Variants in ZC3H8 observed in about 807,000 individuals in gnomAD.
ZC3H8 encodes the protein zinc finger CCCH-type containing 8.
ZC3H8 carries 27 observed loss-of-function variants against 42.5 expected under a neutral mutation model. That is an observed-to-expected ratio of 0.64 (90% CI 0.47 to 0.88). The LOEUF (loss-of-function observed/expected upper bound fraction) is 0.88, where lower values mean the gene tolerates loss of function less well. ZC3H8 is among the 40% of genes least tolerant of loss of function. ZC3H8 has a pLI of 0.00. For synonymous variants in ZC3H8, 101 were observed against 110.1 expected (o/e 0.92, Z 0.52); for missense variants, 277 against 336.1 (o/e 0.82, Z 1.37).
rs1342575123 is a variant in ZC3H8 at position 112,211,821 on chromosome 2, G to C, written c.*4663C>G. On this transcript the variant is annotated 3_prime_UTR_variant, in exon 9 of 9. Coordinates refer to ENST00000409573, the MANE Select transcript of ZC3H8 (RefSeq NM_032494.3). ...TTATTTTTAAATAATGTAAATGAGT[G>C]TTACAAATTTCACAGGAATCAACAG... 1 of 152,044 alleles carries C rather than the reference G, an allele frequency of 6.6e-6. No individual in the cohort carries two copies. The highest frequency in any genetic ancestry group is 2.4e-5 in the African/African-American group (1 of 41,370). 9.4% of individuals were successfully genotyped at this position (152,044 alleles called of 1,614,324 possible).
At chr2:112,241,587 T>C (rs1168923188) in intron 2 of ZC3H8, among the ~76,000 whole-genome samples, 1 of 152,244 alleles carries the variant, frequency 6.6e-6, no homozygotes, top group East Asian at 1.9e-4. Flanking sequence ...AGGAAGTATG[T>C]TCAAATATGT....
Position 112,212,952 on chromosome 2 carries a change from C to G in ZC3H8, c.*3532G>C, listed in dbSNP as rs1253288092. The G allele has an allele frequency of 1.5e-5, 2 of 132,058 alleles. No individual in the cohort carries two copies. Among genetic ancestry groups the G allele is most frequent in the Non-Finnish European group, 3.4e-5 (2 of 59,012 alleles). 8.2% of individuals were successfully genotyped at this position (132,058 alleles called of 1,614,324 possible). A position where few individuals can be genotyped will look rare whatever the true frequency, so the allele number is the denominator to read the frequency against. The stretch of plus-strand genomic sequence containing the variant: ...AGTATTTTGAGTTCAGCAAGCACAA[C>G]TCAGAAGAAATGCTTTTTTTTTTTT... On this transcript the variant is annotated 3_prime_UTR_variant, in exon 9 of 9. Coordinates refer to ENST00000409573, the MANE Select transcript of ZC3H8 (RefSeq NM_032494.3).
intron 2 of ZC3H8, among the ~76,000 whole-genome samples, chr2:112,247,565 TGA>T (rs1239579209): frequency 6.6e-6 from 1 of 152,092 alleles, no homozygotes; most frequent in African/African-American, 2.4e-5. Context: ...TGCAACAGAG[TGA>T]GACTCTGTCT....
intron 8 of ZC3H8, among the ~76,000 whole-genome samples, chr2:112,228,975 G>A (rs1332306012): frequency 6.6e-6 from 1 of 152,134 alleles, no homozygotes; most frequent in Non-Finnish European, 1.5e-5. Flanking sequence ...TTTGAGAAAT[G>A]AAAATTACAA....
At chr2:112,235,010 C>T (rs569036821) in intron 4 of ZC3H8, among the ~76,000 whole-genome samples, 3 of 151,544 alleles carry the variant, frequency 2.0e-5, no homozygotes, top group East Asian at 1.9e-4. Flanking sequence ...AGAAATACAC[C>T]GTCAAAGATG....
rs6747708 is a variant in ZC3H8 at position 112,238,306 on chromosome 2, G to T, written c.370+9C>A. On this transcript the variant is annotated intron_variant, in intron 3 of 8. Coordinates refer to ENST00000409573, the MANE Select transcript of ZC3H8 (RefSeq NM_032494.3). ...TAAACTTTAAATGATAAAATAGTTT[G>T]ACTCTTACCCTGTGGGGTATCTTTT... 1.9e-6 allele frequency: 3 copies of T among 1,609,570 alleles called. No homozygotes were observed. Among genetic ancestry groups the T allele is most frequent in the Admixed American group, 1.7e-5 (1 of 59,262 alleles).
intron 2 of ZC3H8, among the ~76,000 whole-genome samples, chr2:112,239,094 CTGTAATCAAG>C (rs1685471813): frequency 6.6e-6 from 1 of 152,212 alleles, no homozygotes; most frequent in Non-Finnish European, 1.5e-5. Flanking sequence ...ACCCTATTCT[CTGTAATCAAG>C]TTAACTTTAC....
intron 3 of ZC3H8, 107 bp downstream of exon 3, chr2:112,238,208 A>T: frequency 8.8e-7 from 1 of 1,134,306 alleles, no homozygotes; most frequent in Non-Finnish European, 1.2e-6. Context: ...TGAAAACCAT[A>T]GTCTTATCAT....
At chr2:112,237,259 AG>A in intron 3 of ZC3H8, among the ~76,000 whole-genome samples, 1 of 152,336 alleles carries the variant, frequency 6.6e-6, no homozygotes, top group Middle Eastern at 3.4e-3. Context: ...TCAAGAAAAA[AG>A]CAAGATAATA....
At chr2:112,240,831 A>G (rs574367054) in intron 2 of ZC3H8, among the ~76,000 whole-genome samples, 2 of 152,302 alleles carry the variant, frequency 1.3e-5, no homozygotes, top group African/African-American at 4.8e-5. Context: ...TTTAAAAAGC[A>G]TACGAACATG....
chr2:112,237,808 C>T (rs2104659703), intron 3 of ZC3H8, among the ~76,000 whole-genome samples: 1 of 152,220 alleles, frequency 6.6e-6, no homozygotes, highest in South Asian at 2.1e-4. Context: ...CTCAAGTGAT[C>T]CACCAGCCTC....
Position 112,212,912 on chromosome 2 carries a change from A to G in ZC3H8, c.*3572T>C, listed in dbSNP as rs1227642580. 1.3e-5 allele frequency: 2 copies of G among 149,996 alleles called. No individual in the cohort carries two copies. The highest frequency in any genetic ancestry group is 3.0e-5 in the Non-Finnish European group (2 of 67,598). The allele number at this position is 149,996 out of a possible 1,614,324, so 9.3% of individuals were successfully genotyped here. A position where few individuals can be genotyped will look rare whatever the true frequency, so the allele number is the denominator to read the frequency against. On this transcript the variant is annotated 3_prime_UTR_variant, in exon 9 of 9. Transcript: ENST00000409573. ...GAGGAGCCCCATGCTCTTTAGGCGC[A>G]TTACCAAATCACCTAGTATTTTGAG...
intron 1 of ZC3H8, among the ~76,000 whole-genome samples, chr2:112,253,139 A>G (rs1198697331): frequency 6.6e-6 from 1 of 151,634 alleles, no homozygotes; most frequent in Non-Finnish European, 1.5e-5. Flanking sequence ...GCTCAAAAAA[A>G]TAAAAAAAAA....
At chr2:112,253,790 T>C (rs1332514664) in intron 1 of ZC3H8, among the ~76,000 whole-genome samples, 1 of 152,266 alleles carries the variant, frequency 6.6e-6, no homozygotes, top group Non-Finnish European at 1.5e-5. Flanking sequence ...TGAATTCTTA[T>C]GTATTTTATA....
Position 112,238,323 on chromosome 2 carries a change from G to T in ZC3H8, c.362C>A (p.Thr121Asn), listed in dbSNP as rs1280150273. 1.2e-6 allele frequency: 2 copies of T among 1,613,106 alleles called. No homozygotes were observed. The highest frequency in any genetic ancestry group is 1.7e-6 in the Non-Finnish European group (2 of 1,179,746). Residue 121 changes from threonine to asparagine, a missense_variant, in exon 3 of 9, where the codon ACC becomes AAC. Thr to Asn is a moderately conservative substitution (Grantham distance 65). Coordinates refer to ENST00000409573, the MANE Select transcript of ZC3H8 (RefSeq NM_032494.3). ...ESTKKEGVKD[T>N]PQAAKQKNKN... is the part of the protein sequence containing the mutation. ...AATAGTTTGACTCTTACCCTGTGGG[G>T]TATCTTTTACTCCTTCTTTCTTTGT... is the stretch of plus-strand genomic sequence containing the variant.
intron 8 of ZC3H8, among the ~76,000 whole-genome samples, chr2:112,222,268 T>C (rs551835346): frequency 6.6e-6 from 1 of 152,298 alleles, no homozygotes; most frequent in South Asian, 2.1e-4. Flanking sequence ...AATCTGTTGT[T>C]GTCTGTTTAC....
chr2:112,235,501 A>G (rs1402012664), intron 4 of ZC3H8, among the ~76,000 whole-genome samples: 1 of 152,198 alleles, frequency 6.6e-6, no homozygotes, highest in Non-Finnish European at 1.5e-5. Context: ...CAGATTCCTC[A>G]TTCATAAAAT....
At chr2:112,250,123 T>G in intron 2 of ZC3H8, 68 bp downstream of exon 2, 7 of 1,160,410 alleles carry the variant, frequency 6.0e-6, no homozygotes, top group Non-Finnish European at 8.4e-6. Context: ...CTTTTTTTGT[T>G]GTTCCATGTG....
Position 112,250,210 on chromosome 2 carries a change from C to T in ZC3H8, c.137G>A (p.Cys46Tyr), listed in dbSNP as rs548084135. ...TCTTACTTTTTTGGGAATTTGCTCG[C>T]ACTCCAGTTTAATTTTCTCTTCTTG... The part of the protein sequence containing the change: ...ETQEEKIKLE[C>Y]EQIPKKFRHS... Residue 46 changes from cysteine (C) to tyrosine (Y), a missense_variant, in exon 2 of 9, where the codon TGC becomes TAC. Physicochemically the swap from Cys to Tyr is radical, Grantham distance 194. Coordinates refer to ENST00000409573, the MANE Select transcript of ZC3H8 (RefSeq NM_032494.3). 2.6e-6 allele frequency: 4 copies of T among 1,567,754 alleles called. No individual in the cohort carries two copies. The highest frequency in any genetic ancestry group is 1.2e-5 in the South Asian group (1 of 84,904).
Sources: allele counts gnomAD v4.1 joint callset (sites outside exome capture counted in the v4.1 genomes callset), GRCh38; gene constraint gnomAD v4.1.1; transcripts MANE v1.5; gene names NCBI Gene and HGNC (gene_info 2026-07-23, HGNC 2026-07-21).